The following CACNA1A variants were observed in gnomAD, a reference collection of about 807,000 sequenced individuals.
CACNA1A encodes calcium voltage-gated channel subunit alpha1 A.
A neutral mutation model predicts 262.4 loss-of-function variants in CACNA1A; 57 were observed. That is an observed-to-expected ratio of 0.22 (90% CI 0.18 to 0.27). CACNA1A has a LOEUF of 0.27. Among genes scored for constraint, CACNA1A ranks in the 10% least tolerant of loss-of-function variants. The pLI is 1.00. For synonymous variants in CACNA1A, 1,431 were observed against 1,419.3 expected (o/e 1.01, Z -0.18); for missense variants, 2,526 against 3,562.8 (o/e 0.71, Z 7.41).
intron 3 of CACNA1A, among the ~76,000 whole-genome samples, chr19:13,373,131 G>C (rs1433729145): frequency 6.6e-6 from 1 of 152,202 alleles, no homozygotes; most frequent in African/African-American, 2.4e-5. Flanking sequence ...TGGAAGGTTG[G>C]TCACAGCAAA....
At chr19:13,388,954 G>A (rs535278430) in intron 3 of CACNA1A, among the ~76,000 whole-genome samples, 2 of 152,268 alleles carry the variant, frequency 1.3e-5, no homozygotes, top group Non-Finnish European at 2.9e-5. Flanking sequence ...CCAGGCTGGA[G>A]TGCAGTGGCA....
intron 9 of CACNA1A, among the ~76,000 whole-genome samples, chr19:13,331,083 GATTAC>G (rs2058459442): frequency 6.6e-6 from 1 of 151,944 alleles, no homozygotes; most frequent in South Asian, 2.1e-4. Flanking sequence ...AAATGAGTTA[GATTAC>G]CTAACTCATT....
chr19:13,336,351 A>G (rs985185674), intron 6 of CACNA1A, among the ~76,000 whole-genome samples: 5 of 152,202 alleles, frequency 3.3e-5, no homozygotes, highest in Non-Finnish European at 5.9e-5. Flanking sequence ...ACCAAGCCAG[A>G]CAGATGGTCC....
At chr19:13,500,368 G>C (rs1982233417) in intron 1 of CACNA1A, among the ~76,000 whole-genome samples, 2 of 152,288 alleles carry the variant, frequency 1.3e-5, no homozygotes, top group South Asian at 4.1e-4. Context: ...CTACCAGGGA[G>C]GGGTGGAACC....
Position 13,298,514 on chromosome 19 carries a change from T to C in CACNA1A, c.3089+30A>G, listed in dbSNP as rs947015535. On this transcript the variant is annotated intron_variant, in intron 19 of 46. Coordinates refer to ENST00000360228, the MANE Select transcript of CACNA1A (RefSeq NM_001127222.2). Reference sequence around the variant, plus strand: ...GTTGTCATTATTAATGTTACCGTCATTCTGCGGATTCGAGGTCACCTCCAC... The same window carrying C: ...GTTGTCATTATTAATGTTACCGTCACTCTGCGGATTCGAGGTCACCTCCAC... 5.3e-6 allele frequency: 8 copies of C among 1,515,440 alleles called. No individual in the cohort carries two copies. The African/African-American group carries it at 9.9e-5, about 19-fold the overall frequency. The allele number at this position is 1,515,440 out of a possible 1,614,324, so 93.9% of individuals were successfully genotyped here.
At chr19:13,331,673 C>CT (rs112950431) in intron 9 of CACNA1A, among the ~76,000 whole-genome samples, 52,374 of 151,226 alleles carry the variant, frequency 0.35, 9,222 homozygotes, top group Non-Finnish European at 0.36. Context: ...TCTCTAAATT[C>CT]TTTTTTTTTC....
At chr19:13,453,048 G>T in intron 2 of CACNA1A, 33 bp from the exon 3 acceptor site, 1 of 1,612,900 alleles carries the variant, frequency 6.2e-7, no homozygotes, top group South Asian at 1.1e-5. Flanking sequence ...TCAGCGTCTT[G>T]GGCTGGGCAG....
At chr19:13,320,986 G>C (rs2058239964) in intron 10 of CACNA1A, among the ~76,000 whole-genome samples, 1 of 151,058 alleles carries the variant, frequency 6.6e-6, no homozygotes, top group Non-Finnish European at 1.5e-5. Context: ...AAGGGATCAA[G>C]AGCCGGTGTA....
intron 30 of CACNA1A, 135 bp from the exon 31 acceptor site, chr19:13,245,400 C>A: frequency 1.4e-6 from 1 of 705,612 alleles, no homozygotes. Context: ...GTTCGAAGGG[C>A]TGCGGTAAAG....
intron 21 of CACNA1A, 174 bp from the exon 22 acceptor site, chr19:13,283,570 C>T (rs2057337998): frequency 1.3e-6 from 1 of 745,738 alleles, no homozygotes; most frequent in African/African-American, 1.8e-5. Context: ...CCTGGAACCC[C>T]AAGAAGGCAG....
rs1600075611 is a variant in CACNA1A at position 13,207,931 on chromosome 19, A to G, written c.6903T>C (p.Pro2301=). 2.3e-6 allele frequency: 3 copies of G among 1,312,894 alleles called. No homozygotes were observed. The highest frequency in any genetic ancestry group is 3.1e-5 in the Admixed American group (1 of 31,812). The allele number at this position is 1,312,894 out of a possible 1,614,324, so 81.3% of individuals were successfully genotyped here. ...STPRPHVSYS[P]VIRKAGGSGP... ...CCGAGCCGCCGGCCTTACGGATCAC[A>G]GGGGAATAGGACACGTGTGGCCGGG... is the stretch of plus-strand genomic sequence containing the variant. Residue 2301 remains proline (P), a synonymous_variant, in exon 47 of 47, where the codon CCT becomes CCC. Coordinates refer to ENST00000360228, the MANE Select transcript of CACNA1A (RefSeq NM_001127222.2). The surrounding 1 kb of genome is among the most constrained non-coding windows in gnomAD (Gnocchi z 5.7).
In CACNA1A at chr19:13,277,108, G is replaced by A. The variant is rs774224202; in HGVS notation, c.3843C>T (p.Tyr1281=). The A allele has an allele frequency of 2.7e-5, 43 of 1,611,940 alleles. No individual in the cohort carries two copies. The Admixed American group carries it at 3.7e-4, about 14-fold the overall frequency. Residue 1281 remains tyrosine, a synonymous_variant, in exon 23 of 47, where the codon TAC becomes TAT. Transcript: ENST00000360228. ...CAAAGGTAAAGACGCCTGTAAAAAC[G>A]TAGTCAAAGTATCGCAGCACCTGTA... is the stretch of plus-strand genomic sequence containing the variant. The part of the protein sequence containing the change: ...PRNNVLRYFD[Y]VFTGVFTFEM...
intron 1 of CACNA1A, among the ~76,000 whole-genome samples, chr19:13,497,490 A>G (rs1208609518): frequency 3.6e-4 from 1 of 2,796 alleles, no homozygotes; most frequent in Non-Finnish European, 6.3e-4. Flanking sequence ...CTCCATCTCA[A>G]AAAAAAAAAA....
At chr19:13,432,019 C>T (rs543869382) in intron 3 of CACNA1A, among the ~76,000 whole-genome samples, 2 of 147,974 alleles carry the variant, frequency 1.4e-5, no homozygotes, top group South Asian at 2.2e-4. Flanking sequence ...GCAGGAGAAT[C>T]GCTTGAACCC....
chr19:13,454,257 G>A (rs2060965459), intron 2 of CACNA1A, among the ~76,000 whole-genome samples: 1 of 151,388 alleles, frequency 6.6e-6, no homozygotes, highest in Admixed American at 6.6e-5. Context: ...GGTCTTTCTG[G>A]TGACCAGTCC....
At chr19:13,386,815 C>T (rs571604736) in intron 3 of CACNA1A, among the ~76,000 whole-genome samples, 10 of 151,980 alleles carry the variant, frequency 6.6e-5, no homozygotes, top group African/African-American at 2.2e-4. Context: ...AAAGAACTGA[C>T]GCAGTCGTCT....
At chr19:13,313,498 T>TA (rs1007419624) in intron 11 of CACNA1A, among the ~76,000 whole-genome samples, 6,114 of 65,576 alleles carry the variant, frequency 0.093, 376 homozygotes, top group South Asian at 0.15. Flanking sequence ...AGACCTTGTC[T>TA]AAAAAAAAAA....
intron 34 of CACNA1A, among the ~76,000 whole-genome samples, chr19:13,233,592 A>G (rs2055750326): frequency 6.6e-6 from 1 of 152,122 alleles, no homozygotes; most frequent in Non-Finnish European, 1.5e-5. Context: ...GGCTCGAGCA[A>G]TCCTCCTGCC....
chr19:13,279,636 T>C (rs750747178), intron 22 of CACNA1A, among the ~76,000 whole-genome samples: 2 of 151,982 alleles, frequency 1.3e-5, no homozygotes, highest in Non-Finnish European at 2.9e-5. Flanking sequence ...AGGCGCATGC[T>C]ACCACGCCCG....
Sources: allele counts gnomAD v4.1 joint callset (sites outside exome capture counted in the v4.1 genomes callset), GRCh38; gene constraint gnomAD v4.1.1; non-coding constraint Gnocchi (gnomAD v3.1); transcripts MANE v1.5; gene names NCBI Gene and HGNC (gene_info 2026-07-23, HGNC 2026-07-21).